L3MBTL4: variants seen among roughly 807,000 people sequenced by gnomAD.
L3MBTL4 encodes the protein L3MBTL histone methyl-lysine binding protein 4.
Under a neutral mutation model 84.5 loss-of-function variants are expected in L3MBTL4, and 70 were observed. The observed-to-expected ratio is 0.83, with a 90% CI of 0.68 to 1.01. The LOEUF is 1.01. L3MBTL4 is among the 50% of genes least tolerant of loss of function. The pLI is 0.00. For synonymous variants in L3MBTL4, 274 were observed against 259.8 expected, an observed-to-expected ratio of 1.05 and a Z score of -0.52; for missense variants, 715 against 754.8, an observed-to-expected ratio of 0.95 and a Z score of 0.62.
intron 13 of L3MBTL4, among the ~76,000 whole-genome samples, chr18:6,152,566 T>A (rs1186295635): frequency 6.6e-6 from 1 of 152,212 alleles, no homozygotes; most frequent in South Asian, 2.1e-4. Context: ...TCCATCCAAG[T>A]CCTTTGCCCA....
At chr18:6,269,966 A>G (rs568450156) in intron 4 of L3MBTL4, among the ~76,000 whole-genome samples, 1 of 152,346 alleles carries the variant, frequency 6.6e-6, no homozygotes, top group South Asian at 2.1e-4. Flanking sequence ...ATATCTTAAG[A>G]GTGGCCCTTT....
intron 12 of L3MBTL4, among the ~76,000 whole-genome samples, chr18:6,172,677 T>C (rs1449961088): frequency 6.6e-6 from 1 of 152,028 alleles, no homozygotes; most frequent in Non-Finnish European, 1.5e-5. Flanking sequence ...TGCACACATA[T>C]AAGAATAATT....
At chr18:5,981,809 A>T (rs1026461373) in intron 16 of L3MBTL4, among the ~76,000 whole-genome samples, 34 of 151,138 alleles carry the variant, frequency 2.2e-4, no homozygotes, top group African/African-American at 7.5e-4. Context: ...CAAAAAAAAA[A>T]TTTTTTTTTT....
At chr18:6,301,848 T>G (rs1162708211) in intron 4 of L3MBTL4, 55 bp downstream of exon 4, 1 of 1,274,090 alleles carries the variant, frequency 7.8e-7, no homozygotes, top group Non-Finnish European at 1.1e-6. Context: ...CTAATAAAAA[T>G]TCACTTAAAA....
chr18:6,265,866 T>C (rs904227627), intron 4 of L3MBTL4, among the ~76,000 whole-genome samples: 1 of 152,190 alleles, frequency 6.6e-6, no homozygotes, highest in Non-Finnish European at 1.5e-5. Flanking sequence ...ACGTTCCAGT[T>C]AGACAGCAGG....
chr18:6,210,415 T>C (rs1199727223), intron 12 of L3MBTL4, among the ~76,000 whole-genome samples: 1 of 152,042 alleles, frequency 6.6e-6, no homozygotes, highest in Non-Finnish European at 1.5e-5. Flanking sequence ...GAACACAGAG[T>C]AGGAAGAGTA....
intron 4 of L3MBTL4, among the ~76,000 whole-genome samples, chr18:6,278,166 G>A (rs181940006): frequency 7.9e-5 from 12 of 152,030 alleles, no homozygotes; most frequent in Admixed American, 2.6e-4. Flanking sequence ...TGGTATCCCC[G>A]GCTGTTTCCT....
intron 13 of L3MBTL4, among the ~76,000 whole-genome samples, chr18:6,167,496 A>T (rs2043733653): frequency 6.6e-6 from 1 of 152,352 alleles, no homozygotes; most frequent in South Asian, 2.1e-4. Context: ...AATGGGCTTC[A>T]TCCCTGGGAT....
intron 1 of L3MBTL4, among the ~76,000 whole-genome samples, chr18:6,406,743 G>A (rs539075248): frequency 1.3e-5 from 2 of 152,028 alleles, no homozygotes; most frequent in East Asian, 1.9e-4. Flanking sequence ...TAACTGTACC[G>A]AGATTGAGAA....
chr18:6,347,457 A>C (rs1162833682), intron 1 of L3MBTL4, among the ~76,000 whole-genome samples: 2 of 151,720 alleles, frequency 1.3e-5, no homozygotes, highest in African/African-American at 4.8e-5. Context: ...ATAGTTGTAT[A>C]TATTCTCCAA....
chr18:6,370,827 A>T (rs1486487803), intron 1 of L3MBTL4, among the ~76,000 whole-genome samples: 1 of 152,188 alleles, frequency 6.6e-6, no homozygotes, highest in Admixed American at 6.5e-5. Context: ...TAAAAAAATT[A>T]AAAATTTGTA....
At chr18:6,009,439 C>T (rs905664579) in intron 16 of L3MBTL4, among the ~76,000 whole-genome samples, 35 of 152,172 alleles carry the variant, frequency 2.3e-4, no homozygotes, top group African/African-American at 8.4e-4. Flanking sequence ...TAACTCGACA[C>T]ATTACAATGC....
At chr18:6,163,501 A>C (rs752335968) in intron 13 of L3MBTL4, among the ~76,000 whole-genome samples, 3 of 152,190 alleles carry the variant, frequency 2.0e-5, no homozygotes, top group Non-Finnish European at 4.4e-5. Context: ...ATTAATCTAA[A>C]CAAACAAGTT....
chr18:6,201,957 C>T (rs1463417101), intron 12 of L3MBTL4, among the ~76,000 whole-genome samples: 4 of 152,128 alleles, frequency 2.6e-5, no homozygotes, highest in Non-Finnish European at 5.9e-5. Context: ...ATTTTATGTC[C>T]AGCCTAAAGG....
intron 13 of L3MBTL4, among the ~76,000 whole-genome samples, chr18:6,169,492 T>C (rs1033314182): frequency 3.9e-5 from 6 of 152,110 alleles, no homozygotes; most frequent in African/African-American, 1.4e-4. Context: ...TGGAATACTA[T>C]GCAGCCATAT....
chr18:6,149,848 C>T (rs1280533336), intron 13 of L3MBTL4, among the ~76,000 whole-genome samples: 1 of 152,166 alleles, frequency 6.6e-6, no homozygotes, highest in Non-Finnish European at 1.5e-5. Context: ...AACCATCCCC[C>T]TTCTCTCTTT....
chr18:6,063,984 T>C (rs1398775739), intron 16 of L3MBTL4, among the ~76,000 whole-genome samples: 1 of 152,130 alleles, frequency 6.6e-6, no homozygotes, highest in African/African-American at 2.4e-5. Flanking sequence ...ATTTTTATGG[T>C]TTCAGGTCTT....
chr18:6,271,042 C>T (rs1348350457), intron 4 of L3MBTL4, among the ~76,000 whole-genome samples: 1 of 152,040 alleles, frequency 6.6e-6, no homozygotes, highest in Non-Finnish European at 1.5e-5. Flanking sequence ...TTACAGAGCC[C>T]GCGGGGCATG....
intron 14 of L3MBTL4, among the ~76,000 whole-genome samples, chr18:6,099,742 CTTAA>C (rs1219856720): frequency 2.0e-5 from 3 of 150,614 alleles, no homozygotes; most frequent in Non-Finnish European, 4.4e-5. Context: ...GACACTGTCA[CTTAA>C]TTGTCACTTT....
Sources: allele counts gnomAD v4.1 joint callset (sites outside exome capture counted in the v4.1 genomes callset), GRCh38; gene constraint gnomAD v4.1.1; transcripts MANE v1.5; gene names NCBI Gene and HGNC (gene_info 2026-07-23, HGNC 2026-07-21).